Variants in ZNF608 observed in about 807,000 individuals in gnomAD.
ZNF608 encodes renal carcinoma antigen NY-REN-36.
Under a neutral mutation model 109.0 loss-of-function variants are expected in ZNF608, and 12 were observed. The ratio of observed to expected loss-of-function variants is 0.11; its 90% CI spans 0.07 to 0.18. ZNF608 has a LOEUF of 0.18. Among genes scored for constraint, ZNF608 ranks in the 10% least tolerant of loss-of-function variants. ZNF608 has a pLI of 1.00. For missense variants in ZNF608, 1,707 were observed against 1,879.3 expected, an observed-to-expected ratio of 0.91 and a Z score of 1.70; for synonymous variants, 732 against 717.4, an observed-to-expected ratio of 1.02 and a Z score of -0.33.
intron 7 of ZNF608, 142 bp downstream of exon 7, chr5:124,643,369 A>G: frequency 2.7e-6 from 2 of 746,542 alleles, no homozygotes; most frequent in African/African-American, 1.8e-5. Context: ...TGAACGCTCC[A>G]TTCTTTACGT....
At chr5:124,710,024 C>T (rs572643334) in intron 2 of ZNF608, 6 of 257,874 alleles carry the variant, frequency 2.3e-5, no homozygotes, top group Admixed American at 1.5e-4. Flanking sequence ...AACATGGTTG[C>T]GCCTACATTA....
At chr5:124,658,486 T>G (rs1341699536) in intron 3 of ZNF608, among the ~76,000 whole-genome samples, 1 of 152,230 alleles carries the variant, frequency 6.6e-6, no homozygotes, top group East Asian at 1.9e-4. Context: ...GCTGCCTCCT[T>G]TGAGGCTTAG....
At chr5:124,679,769 C>T (rs564030695) in intron 3 of ZNF608, among the ~76,000 whole-genome samples, 1 of 152,278 alleles carries the variant, frequency 6.6e-6, no homozygotes, top group African/African-American at 2.4e-5. Flanking sequence ...ATACACCCTG[C>T]CCCGTGGCTT....
rs747766925 is a variant in ZNF608 at position 124,648,209 on chromosome 5, C to T, written c.2175G>A (p.Thr725=). The change falls in exon 5 of 10, where the codon ACG becomes ACA. Residue 725 remains threonine (T), a synonymous_variant. Coordinates refer to ENST00000513986, the MANE Select transcript of ZNF608 (RefSeq NM_020747.3). The stretch of plus-strand genomic sequence containing the variant: ...TTTTCAGTTTAGAGAGGTTTTTGTC[C>T]GTTTTGCAGTTGGTAGCTTTTTTGC... ...EKGKKATNCK[T]DKNLSKLKSA... is the part of the protein sequence containing the mutation. 20 of 1,614,028 alleles carry T rather than the reference C, an allele frequency of 1.2e-5. No homozygotes were observed. Among genetic ancestry groups the T allele is most frequent in the Admixed American group, 8.3e-5 (5 of 60,016 alleles).
At chr5:124,714,555 A>G (rs914100991) in intron 2 of ZNF608, among the ~76,000 whole-genome samples, 10 of 152,218 alleles carry the variant, frequency 6.6e-5, no homozygotes, top group Non-Finnish European at 1.0e-4. Context: ...TATAATCTTG[A>G]AAATTTACTT....
chr5:124,699,891 T>C (rs148941688), intron 3 of ZNF608, among the ~76,000 whole-genome samples: 22 of 152,352 alleles, frequency 1.4e-4, no homozygotes, highest in African/African-American at 4.3e-4. Context: ...CAGCCACTTT[T>C]GAATACATTT....
At chr5:124,716,533 TA>T (rs1295182572) in intron 2 of ZNF608, among the ~76,000 whole-genome samples, 2 of 152,176 alleles carry the variant, frequency 1.3e-5, no homozygotes, top group African/African-American at 4.8e-5. Context: ...AGTTGGGAAA[TA>T]AACTTGCCAC....
At chr5:124,748,540 A>G, upstream of ZNF608, 3 of 985,418 alleles carry the variant, frequency 3.0e-6, no homozygotes, top group South Asian at 4.7e-5. Flanking sequence ...TACGGTCTGT[A>G]TTGGATCGAG....
intron 2 of ZNF608, among the ~76,000 whole-genome samples, chr5:124,706,818 G>T (rs531932909): frequency 4.7e-4 from 72 of 152,344 alleles, no homozygotes; most frequent in Non-Finnish European, 9.1e-4. Context: ...ACGCGCGGCA[G>T]TCTCTCACTG....
chr5:124,649,273 T>G, intron 4 of ZNF608, 140 bp from the exon 5 acceptor site: 1 of 689,332 alleles, frequency 1.5e-6, no homozygotes, highest in Middle Eastern at 2.5e-4. Flanking sequence ...GACTGACAAT[T>G]TCCAACACCT....
chr5:124,680,990 G>A (rs1240495558), intron 3 of ZNF608, among the ~76,000 whole-genome samples: 1 of 152,150 alleles, frequency 6.6e-6, no homozygotes, highest in Non-Finnish European at 1.5e-5. Context: ...AGAAAGATCA[G>A]AAAAGAAGAT....
intron 3 of ZNF608, among the ~76,000 whole-genome samples, chr5:124,694,235 C>T (rs1186794288): frequency 4.1e-5 from 6 of 147,126 alleles, no homozygotes; most frequent in Non-Finnish European, 8.9e-5. Context: ...CCTCCTGATC[C>T]GCCCGCCTCG....
At chr5:124,705,367 G>A (rs1052329181) in intron 2 of ZNF608, among the ~76,000 whole-genome samples, 1 of 152,106 alleles carries the variant, frequency 6.6e-6, no homozygotes, top group African/African-American at 2.4e-5. Flanking sequence ...AAGTTACCGC[G>A]CTTCTCTTCT....
intron 2 of ZNF608, among the ~76,000 whole-genome samples, chr5:124,725,588 G>A (rs1299161055): frequency 1.3e-5 from 2 of 152,062 alleles, no homozygotes; most frequent in Admixed American, 1.3e-4. Context: ...GCAAGGAAAT[G>A]AATATTTAAC....
chr5:124,671,641 CTTT>C (rs66998925), intron 3 of ZNF608, among the ~76,000 whole-genome samples: 12 of 129,696 alleles, frequency 9.3e-5, no homozygotes, highest in Non-Finnish European at 1.1e-4. Flanking sequence ...TGGGGCTTCT[CTTT>C]TTTTTTTTTT....
intron 2 of ZNF608, chr5:124,708,915 T>TA (rs1363205083): frequency 1.3e-5 from 5 of 388,812 alleles, no homozygotes; most frequent in African/African-American, 8.4e-5. Flanking sequence ...CTCACGCCTG[T>TA]AATCCCAGCA....
In ZNF608 at chr5:124,647,952, T is replaced by C. The variant is rs1474368116; in HGVS notation, c.2432A>G (p.Lys811Arg). ...TAGCTTTCGCTTCTCCTTTTTCTTTTTGTCTTTGAGTGACACCAGAGCTGG... is the reference window on the plus strand; with the variant it reads ...TAGCTTTCGCTTCTCCTTTTTCTTTCTGTCTTTGAGTGACACCAGAGCTGG... ...VNPALVSLKD[K>R]KKKEKRKLKD... The change falls in exon 5 of 10, where the codon AAA becomes AGA. Residue 811 changes from lysine to arginine, a missense_variant. Physicochemically the swap from Lys to Arg is conservative, Grantham distance 26. Around this residue, in one of 7 missense-constraint regions of ZNF608, gnomAD observed 1,073 missense variants for 1,133.5 expected, o/e 0.95. Transcript: ENST00000513986. 3 of 1,614,108 alleles carry C rather than the reference T, an allele frequency of 1.9e-6. No homozygotes were observed. The highest frequency in any genetic ancestry group is 1.7e-5 in the Admixed American group (1 of 60,000).
intron 3 of ZNF608, among the ~76,000 whole-genome samples, chr5:124,692,325 G>C (rs1752657848): frequency 6.6e-6 from 1 of 152,190 alleles, no homozygotes. Context: ...ATATCACTTT[G>C]TTCCACGAAT....
chr5:124,652,674 G>A (rs2149794627), intron 3 of ZNF608, among the ~76,000 whole-genome samples: 1 of 152,326 alleles, frequency 6.6e-6, no homozygotes, highest in South Asian at 2.1e-4. Context: ...ACCCCATTGT[G>A]AAGGGCCAAG....
Sources: gnomAD v4.1 joint callset for allele counts (sites outside exome capture counted in the v4.1 genomes callset) on GRCh38, gnomAD v4.1.1 for gene constraint, gnomAD v4.1.1 regional missense constraint, MANE v1.5 for transcripts, NCBI Gene and HGNC (gene_info 2026-07-23, HGNC 2026-07-21) for gene names.